GALK2: variants seen among roughly 807,000 people sequenced by gnomAD.
The protein encoded by GALK2 is galactokinase 2.
A neutral mutation model predicts 52.4 loss-of-function variants in GALK2; 36 were observed. The ratio of observed to expected loss-of-function variants is 0.69; its 90% CI spans 0.53 to 0.91. GALK2 has a LOEUF of 0.91. Among genes scored for constraint, GALK2 ranks in the 40% least tolerant of loss-of-function variants. The pLI is 0.00. For missense variants in GALK2, 579 were observed against 559.1 expected (o/e 1.04, Z -0.36); for synonymous variants, 176 against 199.1 (o/e 0.88, Z 0.98).
chr15:49,335,512 T>C (rs565906911), downstream of GALK2: 16 of 1,595,032 alleles, frequency 1.0e-5, no homozygotes, highest in South Asian at 1.2e-4. Context: ...AGGCTTATTA[T>C]TAAGGAATGA....
chr15:49,170,131 G>A, upstream of GALK2: 1 of 1,317,400 alleles, frequency 7.6e-7, no homozygotes, highest in Non-Finnish European at 1.0e-6. Flanking sequence ...AACCCTGGCT[G>A]AGTCCAGGGA....
intron 2 of GALK2, among the ~76,000 whole-genome samples, chr15:49,210,450 T>A (rs1056359052): frequency 2.6e-5 from 4 of 151,742 alleles, no homozygotes; most frequent in Non-Finnish European, 4.4e-5. Flanking sequence ...ATTATTATTA[T>A]TTTTTTGAGA....
chr15:49,306,941 C>T (rs1168992648), intron 8 of GALK2, among the ~76,000 whole-genome samples: 1 of 152,176 alleles, frequency 6.6e-6, no homozygotes, highest in Non-Finnish European at 1.5e-5. Context: ...ATTCAAGACA[C>T]TCTATTAGGT....
chr15:49,307,981 C>G (rs1244441997), intron 8 of GALK2, among the ~76,000 whole-genome samples: 1 of 152,048 alleles, frequency 6.6e-6, no homozygotes, highest in East Asian at 1.9e-4. Flanking sequence ...ACTAATGTGG[C>G]TGAAAACAGC....
At chr15:49,183,342 G>A (rs1213744817) in intron 1 of GALK2, among the ~76,000 whole-genome samples, 1 of 152,056 alleles carries the variant, frequency 6.6e-6, no homozygotes, top group Non-Finnish European at 1.5e-5. Context: ...GTAACCCAAA[G>A]GTTTTGCTGT....
At chr15:49,163,901 T>A (rs1182951949) in intron 1 of GALK2, among the ~76,000 whole-genome samples, 1 of 152,202 alleles carries the variant, frequency 6.6e-6, no homozygotes, top group Admixed American at 6.5e-5. Flanking sequence ...GGTTTATGAT[T>A]TGGCATCCTT....
intron 3 of GALK2, among the ~76,000 whole-genome samples, chr15:49,341,832 T>C (rs1298220122): frequency 1.3e-5 from 2 of 152,234 alleles, no homozygotes; most frequent in South Asian, 2.1e-4. Context: ...TTGTTTGATT[T>C]TCATTCAATT....
At position 49,251,463 on chromosome 15, in the gene GALK2, C is replaced by T. The variant is rs536360678; in HGVS notation, c.504+12096C>T. 1.2e-3 allele frequency among the ~76,000 whole-genome samples: 187 copies of T among 152,154 alleles called. 1 individual carries two copies. The highest frequency in any genetic ancestry group is 1.6e-3 in the Non-Finnish European group (110 of 67,994). ...TGATTAGGTAGAGACATGAAGAGAC[C>T]TTCTAGAGTGCTGGCAGAGGTTCAT... On this transcript the variant is annotated intron_variant, in intron 5 of 9. Coordinates refer to ENST00000560031, the MANE Select transcript of GALK2 (RefSeq NM_002044.4).
chr15:49,175,254 G>A (rs1435000063), intron 1 of GALK2, among the ~76,000 whole-genome samples: 1 of 152,178 alleles, frequency 6.6e-6, no homozygotes, highest in Non-Finnish European at 1.5e-5. Context: ...ACTAGCTTAA[G>A]GTCTGCAGTT....
chr15:49,326,213 A>G (rs1422237765), intron 9 of GALK2, among the ~76,000 whole-genome samples: 1 of 150,408 alleles, frequency 6.6e-6, no homozygotes, highest in East Asian at 2.0e-4. Context: ...TTTCCCCAGC[A>G]TCTTCCACAG....
chr15:49,264,574 G>T (rs1029273292), intron 5 of GALK2, among the ~76,000 whole-genome samples: 5 of 152,186 alleles, frequency 3.3e-5, no homozygotes, highest in African/African-American at 7.2e-5. Context: ...CTCTCAGCTC[G>T]TCAAAGTCAT....
intron 3 of GALK2, among the ~76,000 whole-genome samples, chr15:49,339,999 A>G (rs968892779): frequency 6.6e-6 from 1 of 152,174 alleles, no homozygotes; most frequent in African/African-American, 2.4e-5. Flanking sequence ...GGTTGAGCTC[A>G]GACTGCTGTG....
rs374835516 is a variant in GALK2, at chr15:49,353,833, T to C, written c.427-13658T>C. On this transcript the variant is annotated intron_variant, in intron 3 of 3. Transcript: ENST00000558399. ...CTAATTTATCCTTTTAAAAATGTGA[T>C]TGCATTACTAGGTTCTTACCATATG... 1.7e-4 allele frequency: 26 copies of C among 152,328 alleles called. 1 individual carries two copies. In the East Asian group the frequency reaches 3.5e-3, roughly 20 times the overall value. The allele number at this position is 152,328 out of a possible 1,614,324, so 9.4% of individuals were successfully genotyped here.
intron 5 of GALK2, among the ~76,000 whole-genome samples, chr15:49,276,659 A>G (rs16962260): frequency 0.017 from 2,616 of 152,238 alleles, 96 homozygotes; most frequent in African/African-American, 0.06. Flanking sequence ...GAATAGACTC[A>G]CTCACATGTC....
intron 3 of GALK2, among the ~76,000 whole-genome samples, chr15:49,350,971 T>A (rs774274874): frequency 2.0e-5 from 3 of 152,202 alleles, no homozygotes; most frequent in Non-Finnish European, 2.9e-5. Flanking sequence ...GGCCACCATG[T>A]ACCACTGAGC....
intron 3 of GALK2, chr15:49,366,401 C>T (rs1478951595): frequency 9.9e-6 from 8 of 810,930 alleles, no homozygotes; most frequent in Non-Finnish European, 1.8e-5. Context: ...AAGAAAATGG[C>T]AGCTGCCCCA....
At chr15:49,204,091 AGGATTCT>A (rs1475517060) in intron 2 of GALK2, among the ~76,000 whole-genome samples, 3 of 147,178 alleles carry the variant, frequency 2.0e-5, no homozygotes, top group Admixed American at 6.8e-5. Flanking sequence ...GCACTCCAGC[AGGATTCT>A]GTCTCAAAAA....
intron 3 of GALK2, among the ~76,000 whole-genome samples, chr15:49,357,706 G>C (rs991414784): frequency 2.4e-4 from 37 of 151,808 alleles, no homozygotes; most frequent in African/African-American, 8.5e-4. Flanking sequence ...CCAATCAATA[G>C]AAAAAGAGGG....
At chr15:49,239,177 A>G in intron 4 of GALK2, 44 bp from the exon 5 acceptor site, 2 of 1,576,002 alleles carry the variant, frequency 1.3e-6, no homozygotes, top group East Asian at 2.2e-5. Context: ...TACTCCTTGA[A>G]TTCAATACTG....
Sources: gnomAD v4.1 joint callset for allele counts (sites outside exome capture counted in the v4.1 genomes callset) on GRCh38, gnomAD v4.1.1 for gene constraint, MANE v1.5 for transcripts, NCBI Gene and HGNC (gene_info 2026-07-23, HGNC 2026-07-21) for gene names.